PKHD1: variants seen among roughly 807,000 people sequenced by gnomAD.
PKHD1 encodes PKHD1 ciliary IPT domain containing fibrocystin/polyductin, also known as fibrocystin.
Under a neutral mutation model 412.0 loss-of-function variants are expected in PKHD1, and 291 were observed. The observed-to-expected ratio is 0.71, with a 90% CI of 0.64 to 0.78. PKHD1 has a LOEUF of 0.78. Ranked by LOEUF, PKHD1 falls within the 30% of genes least tolerant of loss-of-function variation. PKHD1 has a pLI of 0.00. For missense variants in PKHD1, 4,825 were observed against 4,950.7 expected, an observed-to-expected ratio of 0.97 and a Z score of 0.76; for synonymous variants, 1,777 against 1,821.5, an observed-to-expected ratio of 0.98 and a Z score of 0.62.
In PKHD1 at chr6:52,062,990, T is replaced by G. The variant is rs376974640; in HGVS notation, c.977-330A>C. ...AAAGGAGGACAATGTGACTGTGTGC[T>G]GGTGACGTGGCTTGGCTTTGTGCTT... On this transcript the variant is annotated intron_variant, in intron 13 of 66. Coordinates refer to ENST00000371117, the MANE Select transcript of PKHD1 (RefSeq NM_138694.4). Among the ~76,000 whole-genome samples the G allele has an allele frequency of 4.6e-4, 70 of 152,264 alleles. No homozygotes were observed. The South Asian group carries it at 6.2e-3, about 14-fold the overall frequency.
rs547978006 is a variant in PKHD1 at position 51,922,969 on chromosome 6, G to A, written c.6122-10393C>T. 3.9e-5 allele frequency among the ~76,000 whole-genome samples: 6 copies of A among 152,282 alleles called. No homozygotes were observed. In the East Asian group the frequency reaches 1.2e-3, roughly 29 times the overall value. On this transcript the variant is annotated intron_variant, in intron 37 of 66. Coordinates refer to ENST00000371117, the MANE Select transcript of PKHD1 (RefSeq NM_138694.4). ...CATCCACTGTCCAACAAGTCCCATT[G>A]AGATGAACCCAGTACCTCAGTTGGA... is the stretch of plus-strand genomic sequence containing the variant.
chr6:51,727,724 TTG>T (rs1782752107), intron 60 of PKHD1, among the ~76,000 whole-genome samples: 1 of 152,186 alleles, frequency 6.6e-6, no homozygotes, highest in Non-Finnish European at 1.5e-5. Context: ...TCTGCCATTT[TTG>T]TCTCTTAGTG....
chr6:51,656,329 C>T (rs530127053), intron 61 of PKHD1, among the ~76,000 whole-genome samples: 14 of 152,146 alleles, frequency 9.2e-5, no homozygotes, highest in African/African-American at 3.1e-4. Context: ...CATCACACAC[C>T]GGGGCCTGTT....
chr6:51,718,392 C>G (rs1781513707), intron 60 of PKHD1, among the ~76,000 whole-genome samples: 1 of 152,172 alleles, frequency 6.6e-6, no homozygotes. Flanking sequence ...GATTATTTCT[C>G]CTGGGAAAAG....
At chr6:51,920,126 C>T (rs1332096427) in intron 37 of PKHD1, among the ~76,000 whole-genome samples, 1 of 152,216 alleles carries the variant, frequency 6.6e-6, no homozygotes, top group South Asian at 2.1e-4. Flanking sequence ...ATTTCTTTAT[C>T]CTGCCTGATG....
At chr6:52,082,283 G>A in intron 4 of PKHD1, 109 bp downstream of exon 4, 2 of 1,079,684 alleles carry the variant, frequency 1.9e-6, no homozygotes, top group Non-Finnish European at 2.8e-6. Flanking sequence ...AACAACTATG[G>A]CTGGCAATTG....
chr6:51,701,427 C>T (rs1779391010), intron 60 of PKHD1, among the ~76,000 whole-genome samples: 2 of 152,062 alleles, frequency 1.3e-5, no homozygotes, highest in South Asian at 2.1e-4. Flanking sequence ...AAGATTCTGA[C>T]ATTTATTTCT....
intron 33 of PKHD1, among the ~76,000 whole-genome samples, chr6:52,020,532 T>G (rs1801240861): frequency 6.6e-6 from 1 of 152,212 alleles, no homozygotes; most frequent in South Asian, 2.1e-4. Context: ...GGCCCAAGAA[T>G]TCACATTTCT....
chr6:51,848,033 TCCA>T (rs1368614963), intron 49 of PKHD1, 63 bp from the exon 50 acceptor site: 2 of 1,094,730 alleles, frequency 1.8e-6, no homozygotes, highest in Non-Finnish European at 2.8e-6. Context: ...TTCCACCTAC[TCCA>T]CCACACCACC....
At position 52,025,630 on chromosome 6, in the gene PKHD1, T is replaced by C; in HGVS notation, c.4180A>G (p.Ile1394Val). The change falls in exon 32 of 67, where the codon ATC becomes GTC. Residue 1394 changes from isoleucine to valine, a missense_variant. Coordinates refer to ENST00000371117, the MANE Select transcript of PKHD1 (RefSeq NM_138694.4). ...QFAVMPRIMAIFPSQGSACGG... is the reference protein window; with the variant it reads ...QFAVMPRIMAVFPSQGSACGG... Reference sequence around the variant, plus strand: ...CATGCCGAACCCTGCGATGGGAAGATGGCCATTATCCGAGGCATCACTGCA... The same window carrying C: ...CATGCCGAACCCTGCGATGGGAAGACGGCCATTATCCGAGGCATCACTGCA... 1.2e-6 allele frequency: 2 copies of C among 1,614,182 alleles called. No individual in the cohort carries two copies. Among genetic ancestry groups the C allele is most frequent in the Non-Finnish European group, 1.7e-6 (2 of 1,180,034 alleles).
At chr6:51,706,820 C>G (rs186577688) in intron 60 of PKHD1, among the ~76,000 whole-genome samples, 3 of 152,182 alleles carry the variant, frequency 2.0e-5, no homozygotes, top group Admixed American at 2.0e-4. Flanking sequence ...TGTGAGGTTG[C>G]CTTTCTCTAA....
At position 52,069,432 on chromosome 6, in the gene PKHD1, G is replaced by T. The variant is rs1487194561; in HGVS notation, c.778+25C>A. On this transcript the variant is annotated intron_variant, in intron 11 of 66. Transcript: ENST00000371117. ...ACATTGAGTGAGGCACAAGGGAAGG[G>T]GTACTTGGTGAAGGGGGATAGTACC... 3.2e-6 allele frequency: 5 copies of T among 1,547,930 alleles called. No individual in the cohort carries two copies. The South Asian group carries it at 4.5e-5, about 14-fold the overall frequency.
At chr6:51,901,385 T>C (rs547897374) in intron 43 of PKHD1, among the ~76,000 whole-genome samples, 2 of 152,032 alleles carry the variant, frequency 1.3e-5, no homozygotes, top group East Asian at 1.9e-4. Flanking sequence ...ATGGATGAAA[T>C]TGGAAATCAT....
intron 35 of PKHD1, among the ~76,000 whole-genome samples, chr6:51,991,106 C>T (rs551435951): frequency 6.6e-6 from 1 of 152,270 alleles, no homozygotes; most frequent in Non-Finnish European, 1.5e-5. Context: ...ATGGACAACC[C>T]TATATACAAA....
rs546331997 is a variant in PKHD1, at chr6:51,664,999, C to T, written c.10157-5030G>A. On this transcript the variant is annotated intron_variant, in intron 60 of 66. Transcript: ENST00000371117. Reference sequence around the variant, plus strand: ...TCATCATTCTTTCCTTTCTACACTCCCCAAAAATGAAAAATATACTCATTT... The same window carrying T: ...TCATCATTCTTTCCTTTCTACACTCTCCAAAAATGAAAAATATACTCATTT... Among the ~76,000 whole-genome samples, 480 of 151,864 alleles carry T rather than the reference C, an allele frequency of 3.2e-3. 1 individual carries two copies. Among genetic ancestry groups the T allele is most frequent in the African/African-American group, 0.011 (460 of 41,440 alleles).
chr6:51,866,648 C>A (rs1324186931), intron 48 of PKHD1, among the ~76,000 whole-genome samples: 1 of 152,100 alleles, frequency 6.6e-6, no homozygotes, highest in Non-Finnish European at 1.5e-5. Flanking sequence ...ATTATAGAAG[C>A]ATATAATGTT....
chr6:52,081,167 C>T (rs1811972472), intron 4 of PKHD1, among the ~76,000 whole-genome samples: 1 of 152,128 alleles, frequency 6.6e-6, no homozygotes, highest in African/African-American at 2.4e-5. Context: ...ATCAATGGTG[C>T]ATCCAAAAAT....
At chr6:51,829,268 T>C (rs993437935) in intron 52 of PKHD1, among the ~76,000 whole-genome samples, 5 of 150,440 alleles carry the variant, frequency 3.3e-5, no homozygotes, top group African/African-American at 1.2e-4. Context: ...GAATGAAGAA[T>C]AGTGGAGAAA....
At chr6:51,883,875 A>C (rs987321953) in intron 45 of PKHD1, among the ~76,000 whole-genome samples, 1 of 152,184 alleles carries the variant, frequency 6.6e-6, no homozygotes, top group African/African-American at 2.4e-5. Context: ...TACAAAAAAA[A>C]CTTGGGGCTG....
Sources: gnomAD v4.1 joint callset for allele counts (sites outside exome capture counted in the v4.1 genomes callset) on GRCh38, gnomAD v4.1.1 for gene constraint, MANE v1.5 for transcripts, NCBI Gene and HGNC (gene_info 2026-07-23, HGNC 2026-07-21) for gene names.